The following RFC3 variants were observed in gnomAD, a reference collection of about 807,000 sequenced individuals.
The protein encoded by RFC3 is replication factor C subunit 3, also known as A1 38 kDa subunit.
A neutral mutation model predicts 45.1 loss-of-function variants in RFC3; 41 were observed. The ratio of observed to expected loss-of-function variants is 0.91; its 90% CI spans 0.71 to 1.18. The LOEUF (loss-of-function observed/expected upper bound fraction) is 1.18, where lower values mean the gene tolerates loss of function less well. Ranked by LOEUF, RFC3 falls within the 50% of genes most tolerant of loss-of-function variation. The probability of loss-of-function intolerance (pLI) is 0.00; values close to 1 mark genes in which losing one functional copy is unlikely to be tolerated. For missense variants in RFC3, 423 were observed against 428.1 expected (o/e 0.99, Z 0.10); for synonymous variants, 149 against 144.0 (o/e 1.03, Z -0.25).
At chr13:33,819,695 A>G (rs1338610195) in intron 1 of RFC3, among the ~76,000 whole-genome samples, 1 of 152,226 alleles carries the variant, frequency 6.6e-6, no homozygotes, top group Non-Finnish European at 1.5e-5. Context: ...TAGTGATAGA[A>G]TACATTTTAT....
intron 8 of RFC3, among the ~76,000 whole-genome samples, chr13:33,889,503 C>T (rs187054803): frequency 4.4e-4 from 67 of 152,294 alleles, no homozygotes; most frequent in Non-Finnish European, 6.2e-4. Flanking sequence ...GTATAATGAT[C>T]AAATCAGGGT....
intron 8 of RFC3, among the ~76,000 whole-genome samples, chr13:33,912,294 A>G (rs1004003499): frequency 6.9e-6 from 1 of 145,806 alleles, no homozygotes. Flanking sequence ...CATAATGACC[A>G]AGATGAACTG....
chr13:33,850,838 T>A (rs952746348), intron 8 of RFC3: 8 of 152,176 alleles, frequency 5.3e-5, no homozygotes, highest in African/African-American at 1.7e-4. Flanking sequence ...TGCTCATGAG[T>A]CACAACTTTT....
At chr13:33,845,060 G>A (rs888267759) in intron 8 of RFC3, among the ~76,000 whole-genome samples, 20 of 152,020 alleles carry the variant, frequency 1.3e-4, no homozygotes, top group Non-Finnish European at 2.6e-4. Flanking sequence ...TATAAGTCTA[G>A]GATAAAATAT....
intron 8 of RFC3, among the ~76,000 whole-genome samples, chr13:33,916,382 T>A (rs2082733656): frequency 6.6e-6 from 1 of 152,170 alleles, no homozygotes; most frequent in African/African-American, 2.4e-5. Flanking sequence ...TGCTTGTATA[T>A]TATTCTATTC....
At chr13:33,889,382 G>A (rs1283857042) in intron 8 of RFC3, among the ~76,000 whole-genome samples, 3 of 152,132 alleles carry the variant, frequency 2.0e-5, no homozygotes, top group African/African-American at 7.2e-5. Context: ...TGAAAATTTA[G>A]TAAACAAATA....
chr13:33,958,997 A>C (rs1385542523), intron 8 of RFC3, among the ~76,000 whole-genome samples: 1 of 152,234 alleles, frequency 6.6e-6, no homozygotes, highest in African/African-American at 2.4e-5. Flanking sequence ...TATTTTAAAA[A>C]ATTCTGCATT....
chr13:33,848,487 A>T (rs1228927478), intron 8 of RFC3: 1 of 152,316 alleles, frequency 6.6e-6, no homozygotes, highest in Non-Finnish European at 1.5e-5. Context: ...TCTAAAACAA[A>T]TTCACCAGCA....
intron 4 of RFC3, among the ~76,000 whole-genome samples, chr13:33,826,171 AAAAG>A (rs1347231582): frequency 6.6e-6 from 1 of 152,206 alleles, no homozygotes; most frequent in Non-Finnish European, 1.5e-5. Context: ...ATTTAGATAA[AAAAG>A]AAAATAATAT....
intron 8 of RFC3, among the ~76,000 whole-genome samples, chr13:33,872,772 C>CA (rs1040475028): frequency 8.6e-6 from 1 of 116,114 alleles, no homozygotes. Flanking sequence ...CAAAACAGAA[C>CA]AAAAAAAGAA....
At chr13:33,934,798 A>G (rs7990377) in intron 8 of RFC3, among the ~76,000 whole-genome samples, 21,224 of 151,982 alleles carry the variant, frequency 0.14, 3,211 homozygotes, top group African/African-American at 0.38. Context: ...TTTTCTTTCT[A>G]AATGCAAGGT....
In RFC3 at chr13:33,860,915, A is replaced by ATT. The variant is rs34102628; in HGVS notation, c.879+25704_879+25705dup. The stretch of plus-strand genomic sequence containing the variant: ...AGAAACATATTAAATATATATATAT[A>ATT]TTTTTTTACCAGGTCTTGCTCTGTT... On this transcript the variant is annotated intron_variant, in intron 8 of 8. Transcript: ENST00000434425. 1.2e-3 allele frequency among the ~76,000 whole-genome samples: 178 copies of ATT among 150,432 alleles called. 1 individual carries two copies. The highest frequency in any genetic ancestry group is 2.7e-3 in the African/African-American group (112 of 40,984).
intron 8 of RFC3, among the ~76,000 whole-genome samples, chr13:33,883,056 TA>T (rs1378046525): frequency 1.3e-5 from 2 of 152,338 alleles, no homozygotes; most frequent in East Asian, 1.9e-4. Flanking sequence ...GGCAACTACA[TA>T]AAAAGCTGCT....
At chr13:33,829,598 G>A (rs114254062) in intron 4 of RFC3, 436 of 511,382 alleles carry the variant, frequency 8.5e-4, no homozygotes, top group African/African-American at 7.6e-3. Flanking sequence ...CTCTATAGAA[G>A]TCTTTAGTAA....
intron 7 of RFC3, among the ~76,000 whole-genome samples, chr13:33,834,365 A>G (rs7988717): frequency 0.18 from 24,594 of 134,262 alleles, 4,167 homozygotes; most frequent in African/African-American, 0.41. Context: ...TTTTCCCTTT[A>G]AGAATGTGTA....
downstream of RFC3, among the ~76,000 whole-genome samples, chr13:33,970,129 C>T (rs1222804937): frequency 6.6e-6 from 1 of 152,048 alleles, no homozygotes; most frequent in African/African-American, 2.4e-5. Flanking sequence ...GTTGTTCCCC[C>T]TAAATGTTCA....
chr13:33,886,249 T>G (rs760983421), intron 8 of RFC3, among the ~76,000 whole-genome samples: 11 of 152,086 alleles, frequency 7.2e-5, no homozygotes, highest in African/African-American at 1.2e-4. Flanking sequence ...TTCTAGATTT[T>G]AAGAAAATGA....
chr13:33,945,946 C>A (rs1321427233), intron 8 of RFC3, among the ~76,000 whole-genome samples: 2 of 152,176 alleles, frequency 1.3e-5, no homozygotes, highest in African/African-American at 4.8e-5. Flanking sequence ...CTTATGGTTT[C>A]TTTGTGATAT....
At chr13:33,916,260 T>C (rs1409280183) in intron 8 of RFC3, among the ~76,000 whole-genome samples, 2 of 152,136 alleles carry the variant, frequency 1.3e-5, no homozygotes, top group East Asian at 3.9e-4. Context: ...TGCCATAAAC[T>C]GAAAGGTGCA....
Sources: allele counts gnomAD v4.1 joint callset (sites outside exome capture counted in the v4.1 genomes callset), GRCh38; gene constraint gnomAD v4.1.1; transcripts MANE v1.5; gene names NCBI Gene and HGNC (gene_info 2026-07-23, HGNC 2026-07-21).